The following ATRX variants were observed in gnomAD, a reference collection of about 807,000 sequenced individuals.
ATRX encodes ATRX chromatin remodeler.
In ATRX, 12 loss-of-function variants were observed where a neutral mutation model predicts 172.6. The observed-to-expected ratio is 0.07, with a 90% CI of 0.04 to 0.11. The LOEUF is 0.11. Among genes scored for constraint, ATRX ranks in the 10% least tolerant of loss-of-function variants. ATRX has a pLI of 1.00. For synonymous variants in ATRX, 674 were observed against 594.7 expected (o/e 1.13, Z -1.94); for missense variants, 1,368 against 1,767.4 (o/e 0.77, Z 4.05).
At chrX:77,521,962 T>C (rs782748090) in intron 32 of ATRX, 3 of 271,038 alleles carry the variant, frequency 1.1e-5, no homozygotes, top group African/African-American at 2.7e-5. Flanking sequence ...CAATTTATTA[T>C]AACTATTTTA....
At chrX:77,518,235 G>A (rs2063117603) in intron 34 of ATRX, among the ~76,000 whole-genome samples, 1 of 111,946 alleles carries the variant, frequency 8.9e-6, no homozygotes, top group Non-Finnish European at 1.9e-5. Context: ...AAATTATCCT[G>A]TTTGCAAATG....
intron 34 of ATRX, among the ~76,000 whole-genome samples, chrX:77,510,176 G>C (rs1288608505): frequency 8.9e-6 from 1 of 111,782 alleles, no homozygotes; most frequent in Non-Finnish European, 1.9e-5. Flanking sequence ...GACATTTCCA[G>C]ACATAACCTG....
At chrX:77,713,900 G>A (rs782645051) in intron 2 of ATRX, among the ~76,000 whole-genome samples, 114 of 111,825 alleles carry the variant, frequency 1.0e-3, no homozygotes, top group African/African-American at 3.6e-3. Context: ...ACTGTGTTAT[G>A]TAATATGGCA....
intron 15 of ATRX, 57 bp downstream of exon 15, chrX:77,652,057 C>T (rs1439260948): frequency 3.4e-6 from 4 of 1,174,064 alleles, no homozygotes; most frequent in South Asian, 1.8e-5. Flanking sequence ...CCAGCCTGGG[C>T]AACAGAGCAA....
At chrX:77,745,856 T>C (rs939574930) in intron 1 of ATRX, among the ~76,000 whole-genome samples, 6 of 111,813 alleles carry the variant, frequency 5.4e-5, no homozygotes, top group Admixed American at 9.5e-5. Flanking sequence ...TTATTGAACA[T>C]TGTATGTCTG....
At chrX:77,671,167 A>AATATATATATATAT (rs3063061) in intron 10 of ATRX, among the ~76,000 whole-genome samples, 13 of 15,725 alleles carry the variant, frequency 8.3e-4, no homozygotes, top group South Asian at 3.8e-3. Flanking sequence ...AAAAAAAAAA[A>AATATATATATATAT]ATATATATAT....
chrX:77,593,130 G>T (rs1040645033), intron 26 of ATRX, among the ~76,000 whole-genome samples: 7 of 107,577 alleles, frequency 6.5e-5, no homozygotes, highest in Non-Finnish European at 1.3e-4. Context: ...AGGCTGAGGT[G>T]GGAGGATCAC....
intron 1 of ATRX, among the ~76,000 whole-genome samples, chrX:77,784,838 A>AGTT (rs1438196080): frequency 1.2e-4 from 14 of 112,174 alleles, no homozygotes; most frequent in Non-Finnish European, 1.9e-5. Flanking sequence ...CCAATCTAAG[A>AGTT]GTTACTCAAA....
At chrX:77,693,112 C>A (rs1603239826) in intron 6 of ATRX, among the ~76,000 whole-genome samples, 1 of 110,908 alleles carries the variant, frequency 9.0e-6, no homozygotes, top group South Asian at 3.8e-4. Flanking sequence ...GTCTCGAACT[C>A]CAGGACTCAA....
At chrX:77,737,137 G>C (rs782513757) in intron 1 of ATRX, among the ~76,000 whole-genome samples, 5 of 110,466 alleles carry the variant, frequency 4.5e-5, no homozygotes, top group Non-Finnish European at 9.5e-5. Context: ...ATAAGACCTA[G>C]TATTTGGCCA....
chrX:77,629,071 T>G (rs781807303), intron 19 of ATRX, among the ~76,000 whole-genome samples: 1 of 112,564 alleles, frequency 8.9e-6, no homozygotes, highest in South Asian at 3.7e-4. Flanking sequence ...AGGCTTCTGA[T>G]CTAATAGCCT....
In ATRX at chrX:77,772,995, G is replaced by A. The variant is rs782638656; in HGVS notation, c.20+12987C>T. ...CCCAAGTATTTAGGACTACAGTTGT[G>A]CACCACCACACCTGGCTAATTTTTT... On this transcript the variant is annotated intron_variant, in intron 1 of 34. Transcript: ENST00000373344. Among the ~76,000 whole-genome samples the A allele has an allele frequency of 1.6e-4, 16 of 97,652 alleles. No homozygotes were observed. The South Asian group carries it at 3.0e-3, about 18-fold the overall frequency. 84.8% of individuals were successfully genotyped at this position (97,652 alleles called of 115,157 possible). A position where few individuals can be genotyped will look rare whatever the true frequency, so the allele number is the denominator to read the frequency against.
intron 1 of ATRX, among the ~76,000 whole-genome samples, chrX:77,747,441 T>C (rs1240333971): frequency 9.0e-6 from 1 of 110,631 alleles, no homozygotes. Context: ...TAAGAATTGC[T>C]TGAACCCCGG....
intron 22 of ATRX, among the ~76,000 whole-genome samples, chrX:77,602,818 A>C (rs782011001): frequency 1.8e-5 from 2 of 111,493 alleles, no homozygotes; most frequent in Non-Finnish European, 3.8e-5. Flanking sequence ...CTATGTCAAA[A>C]AAAGATCTCA....
At chrX:77,639,607 T>C (rs782143533) in intron 15 of ATRX, among the ~76,000 whole-genome samples, 33 of 111,753 alleles carry the variant, frequency 3.0e-4, no homozygotes, top group Admixed American at 2.8e-4. Flanking sequence ...AAAAAACTAA[T>C]ATACAAGGCT....
intron 4 of ATRX, among the ~76,000 whole-genome samples, chrX:77,697,008 A>G (rs782007521): frequency 2.7e-5 from 3 of 112,129 alleles, no homozygotes; most frequent in Non-Finnish European, 3.8e-5. Context: ...TTTAAGAGAC[A>G]TTCCCACTGG....
At chrX:77,614,965 C>T (rs2067296638) in intron 22 of ATRX, among the ~76,000 whole-genome samples, 1 of 101,061 alleles carries the variant, frequency 9.9e-6, no homozygotes, top group Non-Finnish European at 2.0e-5. Context: ...AACATTTATA[C>T]CTGAGCTGTT....
intron 2 of ATRX, among the ~76,000 whole-genome samples, chrX:77,713,230 A>G (rs1557162477): frequency 8.9e-6 from 1 of 112,051 alleles, no homozygotes; most frequent in South Asian, 3.7e-4. Flanking sequence ...AGTTAAAAAC[A>G]TGAAAAGGGG....
intron 15 of ATRX, among the ~76,000 whole-genome samples, chrX:77,641,637 C>G (rs1557111280): frequency 1.1e-5 from 1 of 95,058 alleles, no homozygotes; most frequent in Non-Finnish European, 2.1e-5. Context: ...ACAATGAAAA[C>G]AAAAATAGAA....
Sources: gnomAD v4.1 joint callset for allele counts (sites outside exome capture counted in the v4.1 genomes callset) on GRCh38, gnomAD v4.1.1 for gene constraint, MANE v1.5 for transcripts, NCBI Gene and HGNC (gene_info 2026-07-23, HGNC 2026-07-21) for gene names.